The following MYCBP2 variants were observed in gnomAD, a reference collection of about 807,000 sequenced individuals.
MYCBP2 encodes MYC binding protein 2, also known as E3 ubiquitin-protein ligase MYCBP2.
A neutral mutation model predicts 525.3 loss-of-function variants in MYCBP2; 120 were observed. The observed-to-expected ratio is 0.23, with a 90% confidence interval of 0.20 to 0.27. The LOEUF (loss-of-function observed/expected upper bound fraction) is 0.27, where lower values mean the gene tolerates loss of function less well. MYCBP2 is among the 10% of genes least tolerant of loss of function. MYCBP2 has a pLI of 1.00. For synonymous variants in MYCBP2, 1,894 were observed against 1,955.8 expected (o/e 0.97, Z 0.83); for missense variants, 4,149 against 5,657.1 (o/e 0.73, Z 8.55).
chr13:77,152,891 C>T (rs1204361812), intron 46 of MYCBP2, among the ~76,000 whole-genome samples: 2 of 151,890 alleles, frequency 1.3e-5, no homozygotes, highest in East Asian at 1.9e-4. Context: ...CGGTGAAACC[C>T]CGTCTCTACT....
intron 4 of MYCBP2, among the ~76,000 whole-genome samples, chr13:77,277,805 A>C (rs1054204943): frequency 3.9e-5 from 6 of 152,262 alleles, no homozygotes; most frequent in African/African-American, 1.4e-4. Context: ...CCACAGCTCT[A>C]GTACTTCTGA....
intron 15 of MYCBP2, among the ~76,000 whole-genome samples, 162 bp from the exon 16 acceptor site, chr13:77,244,113 A>C (rs1304326521): frequency 6.6e-6 from 1 of 152,250 alleles, no homozygotes; most frequent in Non-Finnish European, 1.5e-5. Flanking sequence ...TAAAGAAAAG[A>C]TATAAATAGC....
In MYCBP2 at chr13:77,177,946, T is replaced by G; in HGVS notation, c.5142A>C (p.Gly1714=). 3 of 1,600,734 alleles carry G rather than the reference T, an allele frequency of 1.9e-6. No homozygotes were observed. The highest frequency in any genetic ancestry group is 2.6e-6 in the Non-Finnish European group (3 of 1,167,828). ...CTTTTACAGAGTGAAGAGAATTAAG[T>G]CCATCAACCTGTGAACAATAAAAGC... The part of the protein sequence containing the change: ...TASALGSEVD[G]LNSLHSVKAS... The change falls in exon 35 of 83, where the codon GGA becomes GGC. Residue 1714 remains glycine (G), a synonymous_variant. Coordinates refer to ENST00000544440, the MANE Select transcript of MYCBP2 (RefSeq NM_015057.5).
Position 77,166,369 on chromosome 13 carries a change from T to C in MYCBP2, c.6300A>G (p.Ser2100=). ...LNSWIELKKF[S]GSSGWPTMVL... ...CCATAGTAGGCCACCCAGAGGATCC[T>C]GAAAATTTCTTTAATTCTATCCATG... Residue 2100 remains serine (S), a synonymous_variant, in exon 41 of 83, where the codon TCA becomes TCG. Coordinates refer to ENST00000544440, the MANE Select transcript of MYCBP2 (RefSeq NM_015057.5). The C allele has an allele frequency of 1.2e-6, 2 of 1,613,958 alleles. No homozygotes were observed. Among genetic ancestry groups the C allele is most frequent in the Non-Finnish European group, 1.7e-6 (2 of 1,179,872 alleles).
intron 15 of MYCBP2, among the ~76,000 whole-genome samples, chr13:77,248,699 T>G (rs1270130528): frequency 6.6e-6 from 1 of 152,144 alleles, no homozygotes; most frequent in Admixed American, 6.5e-5. Context: ...TGAAAAATAG[T>G]ATGGCAGTTC....
Position 77,117,458 on chromosome 13 carries a change from T to C in MYCBP2, c.8140+3915A>G, listed in dbSNP as rs1451573688. On this transcript the variant is annotated intron_variant, in intron 55 of 82. Coordinates refer to ENST00000544440, the MANE Select transcript of MYCBP2 (RefSeq NM_015057.5). ...AGCTACATACTAACCTAGTTTTTAA[T>C]AAAAACTAAACCAGCTAGCATTCTT... Among the ~76,000 whole-genome samples the C allele has an allele frequency of 3.3e-5, 5 of 152,230 alleles. No individual in the cohort carries two copies. In the South Asian group the frequency reaches 6.2e-4, roughly 19 times the overall value.
In MYCBP2 at chr13:77,144,478, T is replaced by C; in HGVS notation, c.7270A>G (p.Thr2424Ala). ...NWTPGAIGLY[T>A]LHVTIDGIEI... is the part of the protein sequence containing the mutation. ...ATGCCATCAATGGTAACATGAAGAGTGTAGAGTCCAATAGCCCCTGGAGTC... is the reference window on the plus strand; with the variant it reads ...ATGCCATCAATGGTAACATGAAGAGCGTAGAGTCCAATAGCCCCTGGAGTC... The change falls in exon 49 of 83, where the codon ACT becomes GCT. Residue 2424 changes from threonine to alanine, a missense_variant. By Grantham distance (58) the Thr-to-Ala change is moderately conservative (BLOSUM62 0). Transcript: ENST00000544440. 6.2e-7 allele frequency: 1 copy of C among 1,613,370 alleles called. No individual in the cohort carries two copies. Among genetic ancestry groups the C allele is most frequent in the Non-Finnish European group, 8.5e-7 (1 of 1,179,482 alleles).
At chr13:77,287,039 C>T (rs551070702) in intron 3 of MYCBP2, among the ~76,000 whole-genome samples, 3 of 145,724 alleles carry the variant, frequency 2.1e-5, no homozygotes, top group East Asian at 2.1e-4. Flanking sequence ...CGCCCGCCAC[C>T]GTGACGGGCT....
At chr13:77,129,549 G>C (rs2052365244) in intron 52 of MYCBP2, 1 of 182,820 alleles carries the variant, frequency 5.5e-6, no homozygotes, top group Non-Finnish European at 1.1e-5. Flanking sequence ...AAATGAGGAT[G>C]TATTTGTTCT....
In MYCBP2 at chr13:77,098,660, AC is replaced by A; in HGVS notation, c.8493del (p.Arg2831SerfsTer62). 6.2e-7 allele frequency: 1 copy of A among 1,613,534 alleles called. No individual in the cohort carries two copies. ...GGAGAACTAGCACCCGATGGGCTAG[AC>A]CTATTGGCTGGGAGAGTCTTTGGCT... ...SPKPKTLPAN[R>X]SSPSGASSPR... On this transcript the variant is annotated frameshift_variant, in exon 56 of 83. Transcript: ENST00000544440. LOFTEE classifies it high-confidence loss of function.
At chr13:77,102,731 A>G (rs1024052309) in intron 55 of MYCBP2, among the ~76,000 whole-genome samples, 14 of 151,762 alleles carry the variant, frequency 9.2e-5, no homozygotes, top group Non-Finnish European at 2.1e-4. Flanking sequence ...ATGAGTCCTA[A>G]TAACTAATTT....
intron 2 of MYCBP2, among the ~76,000 whole-genome samples, chr13:77,290,371 C>T (rs80013713): frequency 0.012 from 1,809 of 152,256 alleles, 25 homozygotes; most frequent in Middle Eastern, 0.02. Context: ...ACATTTACAC[C>T]AGAGAAATAA....
intron 1 of MYCBP2, among the ~76,000 whole-genome samples, chr13:77,299,730 T>C (rs1188825549): frequency 6.6e-6 from 1 of 152,168 alleles, no homozygotes; most frequent in East Asian, 1.9e-4. Flanking sequence ...ATATTCTAAA[T>C]CAATCGAAGC....
At chr13:77,306,859 G>T (rs376640072) in intron 1 of MYCBP2, among the ~76,000 whole-genome samples, 15 of 152,240 alleles carry the variant, frequency 9.9e-5, no homozygotes, top group South Asian at 4.1e-4. Flanking sequence ...CACCTATATA[G>T]ACTTCAGATG....
chr13:77,050,003 C>T (rs2036433300), intron 82 of MYCBP2, among the ~76,000 whole-genome samples: 1 of 152,046 alleles, frequency 6.6e-6, no homozygotes, highest in Non-Finnish European at 1.5e-5. Context: ...GAAACACCAT[C>T]CTCACTCTTT....
intron 55 of MYCBP2, among the ~76,000 whole-genome samples, chr13:77,118,913 A>G (rs1309744080): frequency 1.3e-5 from 2 of 152,210 alleles, no homozygotes; most frequent in South Asian, 2.1e-4. Context: ...CATCGGCAGT[A>G]TATTTCATGC....
At chr13:77,138,723 A>G (rs2054138226) in intron 52 of MYCBP2, among the ~76,000 whole-genome samples, 2 of 152,216 alleles carry the variant, frequency 1.3e-5, no homozygotes, top group Non-Finnish European at 2.9e-5. Flanking sequence ...ACAAATCTAA[A>G]TAATAGTATT....
intron 17 of MYCBP2, among the ~76,000 whole-genome samples, chr13:77,235,413 G>T (rs1365469094): frequency 6.6e-6 from 1 of 151,982 alleles, no homozygotes; most frequent in African/African-American, 2.4e-5. Context: ...AAAGCATAAA[G>T]ATATTAAACA....
chr13:77,113,474 A>G (rs2049192717), intron 55 of MYCBP2, among the ~76,000 whole-genome samples: 1 of 152,118 alleles, frequency 6.6e-6, no homozygotes, highest in Admixed American at 6.6e-5. Context: ...ACTTAACAAA[A>G]GCAGGTGAAT....
Sources: gnomAD v4.1 joint callset for allele counts (sites outside exome capture counted in the v4.1 genomes callset) on GRCh38, gnomAD v4.1.1 for gene constraint, MANE v1.5 for transcripts, NCBI Gene and HGNC (gene_info 2026-07-23, HGNC 2026-07-21) for gene names.